Variants in RAP1GDS1 observed in about 807,000 individuals in gnomAD.
RAP1GDS1 encodes RAP1, GTP-GDP dissociation stimulator 1.
In RAP1GDS1, 35 loss-of-function variants were observed where a neutral mutation model predicts 71.1. The ratio of observed to expected loss-of-function variants is 0.49; its 90% CI spans 0.38 to 0.65. RAP1GDS1 has a LOEUF of 0.65. RAP1GDS1 is among the 30% of genes least tolerant of loss of function. RAP1GDS1 has a pLI of 0.00. For missense variants in RAP1GDS1, 663 were observed against 706.1 expected, an observed-to-expected ratio of 0.94 and a Z score of 0.69; for synonymous variants, 229 against 243.1, an observed-to-expected ratio of 0.94 and a Z score of 0.54.
At chr4:98,409,584 AG>A (rs1275301442) in intron 7 of RAP1GDS1, 3 of 201,100 alleles carry the variant, frequency 1.5e-5, no homozygotes, top group Non-Finnish European at 3.1e-5. Flanking sequence ...TCAAGAGCCA[AG>A]ATACCTCCCC....
At chr4:98,295,680 G>C (rs191750564) in intron 2 of RAP1GDS1, among the ~76,000 whole-genome samples, 1 of 152,040 alleles carries the variant, frequency 6.6e-6, no homozygotes, top group Admixed American at 6.6e-5. Flanking sequence ...ATAAAGTGAA[G>C]CTTTTTGCTG....
At chr4:98,318,462 T>TA (rs1731272169) in intron 2 of RAP1GDS1, among the ~76,000 whole-genome samples, 1 of 152,236 alleles carries the variant, frequency 6.6e-6, no homozygotes, top group Non-Finnish European at 1.5e-5. Context: ...TAATAAAAGT[T>TA]ACGTGAATGT....
chr4:98,275,625 A>G (rs1724089238), intron 1 of RAP1GDS1, among the ~76,000 whole-genome samples: 1 of 152,130 alleles, frequency 6.6e-6, no homozygotes, highest in African/African-American at 2.4e-5. Flanking sequence ...GGACTGTACA[A>G]AAATTTTACG....
rs577922597 is a variant in RAP1GDS1 at position 98,391,133 on chromosome 4, T to G, written c.509-819T>G. 9.2e-5 allele frequency among the ~76,000 whole-genome samples: 14 copies of G among 152,234 alleles called. No homozygotes were observed. The East Asian group carries it at 1.7e-3, about 19-fold the overall frequency. ...CAGTACTTTTGGTGTTCATTTTTGG[T>G]TCATTTATCTTCAACTTTGCTACAG... On this transcript the variant is annotated intron_variant, in intron 5 of 14. Transcript: ENST00000408927.
At chr4:98,323,072 A>T (rs1162768900) in intron 2 of RAP1GDS1, among the ~76,000 whole-genome samples, 1 of 151,816 alleles carries the variant, frequency 6.6e-6, no homozygotes, top group African/African-American at 2.4e-5. Context: ...AGACACAATA[A>T]AAAATGATAA....
intron 12 of RAP1GDS1, among the ~76,000 whole-genome samples, chr4:98,429,918 C>G (rs79536907): frequency 0.015 from 2,276 of 151,938 alleles, 46 homozygotes; most frequent in African/African-American, 0.052. Flanking sequence ...AATTACATAA[C>G]CAAACCATTC....
chr4:98,262,312 C>T (rs1457920837), intron 1 of RAP1GDS1, among the ~76,000 whole-genome samples: 8 of 152,224 alleles, frequency 5.3e-5, no homozygotes, highest in Non-Finnish European at 8.8e-5. Flanking sequence ...TGTTACCGAA[C>T]TTACATGGTA....
chr4:98,389,958 CAT>C (rs1743357492), intron 5 of RAP1GDS1, among the ~76,000 whole-genome samples: 1 of 152,152 alleles, frequency 6.6e-6, no homozygotes, highest in African/African-American at 2.4e-5. Context: ...TATATGCAGA[CAT>C]ATAGTGGAGT....
chr4:98,341,256 T>TC (rs1735465100), intron 2 of RAP1GDS1, among the ~76,000 whole-genome samples: 1 of 152,236 alleles, frequency 6.6e-6, no homozygotes. Flanking sequence ...GTTATGTTTT[T>TC]CCCTTTTATT....
chr4:98,303,196 T>C (rs1728825265), intron 2 of RAP1GDS1, among the ~76,000 whole-genome samples: 1 of 152,150 alleles, frequency 6.6e-6, no homozygotes, highest in Admixed American at 6.6e-5. Flanking sequence ...AAATCAAAGC[T>C]GTAGAAGAAT....
At chr4:98,385,312 C>G (rs1742577689) in intron 5 of RAP1GDS1, among the ~76,000 whole-genome samples, 1 of 151,724 alleles carries the variant, frequency 6.6e-6, no homozygotes, top group Admixed American at 6.6e-5. Context: ...CAGGTCTTTA[C>G]TGTAAGTGTT....
rs988173897 is a variant in RAP1GDS1, at chr4:98,342,409, GCTTTT to G, written c.113-725_113-721del. Among the ~76,000 whole-genome samples the G allele has an allele frequency of 4.6e-5, 7 of 152,048 alleles. 1 individual carries two copies. The highest frequency in any genetic ancestry group is 1.7e-4 in the African/African-American group (7 of 41,502). ...ACAAATAATAATTTTATTTCTTTGA[GCTTTT>G]CTTTATTTTTAACATATTTTAATAG... On this transcript the variant is annotated intron_variant, in intron 2 of 14. Coordinates refer to ENST00000408927, the MANE Select transcript of RAP1GDS1 (RefSeq NM_001100427.2).
intron 1 of RAP1GDS1, among the ~76,000 whole-genome samples, chr4:98,267,445 G>A (rs1722852032): frequency 6.6e-6 from 1 of 152,112 alleles, no homozygotes; most frequent in Non-Finnish European, 1.5e-5. Context: ...CATCACCCAG[G>A]TAGTGTGCAT....
At chr4:98,436,079 A>AT (rs1257962402) in intron 13 of RAP1GDS1, among the ~76,000 whole-genome samples, 31 of 143,146 alleles carry the variant, frequency 2.2e-4, no homozygotes, top group South Asian at 1.1e-3. Flanking sequence ...TCAAAAAAAA[A>AT]ATATATATAT....
chr4:98,400,647 T>C (rs1745274656), intron 6 of RAP1GDS1, among the ~76,000 whole-genome samples: 1 of 152,106 alleles, frequency 6.6e-6, no homozygotes, highest in Admixed American at 6.5e-5. Flanking sequence ...GAGTAAGCTT[T>C]AGTGTTCTGT....
chr4:98,420,451 C>T (rs1467553746), intron 11 of RAP1GDS1, among the ~76,000 whole-genome samples: 5 of 151,832 alleles, frequency 3.3e-5, no homozygotes, highest in South Asian at 2.1e-4. Flanking sequence ...CCGCAACTTC[C>T]GCCTCCTGGG....
At chr4:98,409,709 C>A in intron 7 of RAP1GDS1, 1 of 445,250 alleles carries the variant, frequency 2.2e-6, no homozygotes, top group Non-Finnish European at 4.6e-6. Flanking sequence ...TTTGTGAGAA[C>A]AAACGGAAGG....
chr4:98,339,377 A>G (rs1463175339), intron 2 of RAP1GDS1, among the ~76,000 whole-genome samples: 2 of 152,236 alleles, frequency 1.3e-5, no homozygotes, highest in South Asian at 2.1e-4. Flanking sequence ...CCAGTTGCCT[A>G]TAATTTGTAG....
intron 4 of RAP1GDS1, among the ~76,000 whole-genome samples, chr4:98,356,391 T>C (rs1156312633): frequency 6.6e-6 from 1 of 152,100 alleles, no homozygotes; most frequent in Non-Finnish European, 1.5e-5. Context: ...GGCCTTATAG[T>C]TTTAAAAAGC....
Sources: gnomAD v4.1 joint callset for allele counts (sites outside exome capture counted in the v4.1 genomes callset) on GRCh38, gnomAD v4.1.1 for gene constraint, MANE v1.5 for transcripts, NCBI Gene and HGNC (gene_info 2026-07-23, HGNC 2026-07-21) for gene names.